Variants in DTX1 observed in about 807,000 individuals in gnomAD.
DTX1 encodes E3 ubiquitin-protein ligase DTX1.
DTX1 carries 26 observed loss-of-function variants against 57.8 expected under a neutral mutation model. That is an observed-to-expected ratio of 0.45 (90% confidence interval 0.33 to 0.62). DTX1 has a LOEUF of 0.62. Among genes scored for constraint, DTX1 ranks in the 20% least tolerant of loss-of-function variants. DTX1 has a pLI of 0.02. For synonymous variants in DTX1, 398 were observed against 394.1 expected, an observed-to-expected ratio of 1.01 and a Z score of -0.12; for missense variants, 704 against 895.3, an observed-to-expected ratio of 0.79 and a Z score of 2.73.
At chr12:113,061,602 T>A (rs1566012670) in intron 2 of DTX1, among the ~76,000 whole-genome samples, 2 of 152,220 alleles carry the variant, frequency 1.3e-5, no homozygotes, top group Admixed American at 6.5e-5. Flanking sequence ...AGAATCTGGC[T>A]GATTTTATCC....
intron 8 of DTX1, 27 bp downstream of exon 8, chr12:113,095,230 C>T: frequency 1.2e-6 from 2 of 1,604,698 alleles, no homozygotes; most frequent in Non-Finnish European, 1.7e-6. Flanking sequence ...CCTCTCTGGC[C>T]CCCAGCCCCC....
At chr12:113,071,420 A>AT (rs2044737257) in intron 2 of DTX1, among the ~76,000 whole-genome samples, 1 of 152,230 alleles carries the variant, frequency 6.6e-6, no homozygotes, top group Non-Finnish European at 1.5e-5. Context: ...AGAGACACAA[A>AT]AACAGGCCGA....
At chr12:113,094,346 G>C (rs1950270009) in intron 6 of DTX1, among the ~76,000 whole-genome samples, 1 of 152,112 alleles carries the variant, frequency 6.6e-6, no homozygotes, top group African/African-American at 2.4e-5. Context: ...TTTTGCTTTT[G>C]ATAGTTAAGC....
intron 3 of DTX1, among the ~76,000 whole-genome samples, chr12:113,079,710 G>GTC (rs2044802468): frequency 6.7e-6 from 1 of 150,108 alleles, no homozygotes; most frequent in Admixed American, 6.6e-5. Context: ...GTGTGTGTGT[G>GTC]TGTGTGTGTG....
chr12:113,093,215 C>T lies in DTX1; in HGVS notation c.995C>T (p.Ala332Val), dbSNP rs1190443352. 6.3e-7 allele frequency: 1 copy of T among 1,594,548 alleles called. No homozygotes were observed. Among genetic ancestry groups the T allele is most frequent in the East Asian group, 2.3e-5 (1 of 43,782 alleles). Residue 332 changes from alanine to valine, a missense_variant, in exon 4 of 10, where the codon GCC (alanine) becomes GTC (valine). Transcript: ENST00000548759. This position sits in a 1 kb window ranked among gnomAD's most constrained non-coding sequence, Gnocchi z 4.2. ...AATGGTACTGGGCCGGTCCATCCGG[C>T]CCTGGCAGGTGAGGTCTGGCCCAGG... ...NLNGTGPVHP[A>V]LAGMTGILLC...
intron 3 of DTX1, among the ~76,000 whole-genome samples, chr12:113,087,370 C>T (rs1447055124): frequency 6.6e-6 from 1 of 152,110 alleles, no homozygotes; most frequent in Non-Finnish European, 1.5e-5. Context: ...GTGAGGACCC[C>T]AGACAGCAGC....
Position 113,094,000 on chromosome 12 carries a change from C to T in DTX1, c.1166-38C>T. On this transcript the variant is annotated intron_variant, in intron 5 of 9. Coordinates refer to ENST00000548759, the MANE Select transcript of DTX1 (RefSeq NM_004416.3). The surrounding 1 kb of genome is among the most constrained non-coding windows in gnomAD (Gnocchi z 4.2). ...TGAGCCAAGCCTTCGGGGACAGACT[C>T]TGGGTACCCTCAAACCCACCCCGCT... is the stretch of plus-strand genomic sequence containing the variant. 2 of 1,561,752 alleles carry T rather than the reference C, an allele frequency of 1.3e-6. No individual in the cohort carries two copies. The highest frequency in any genetic ancestry group is 1.7e-6 in the Non-Finnish European group (2 of 1,151,658).
chr12:113,096,386 G>T (rs1316266983), intron 9 of DTX1, among the ~76,000 whole-genome samples: 4 of 142,884 alleles, frequency 2.8e-5, no homozygotes, highest in African/African-American at 8.0e-5. Context: ...GCTGCAGTGA[G>T]CTCTGGTTGC....
intron 2 of DTX1, among the ~76,000 whole-genome samples, chr12:113,067,572 T>C (rs1327339271): frequency 1.3e-5 from 2 of 152,214 alleles, no homozygotes; most frequent in East Asian, 3.8e-4. Flanking sequence ...TGTCTTGCTC[T>C]CCAGTGCCTG....
rs918647596 is a variant in DTX1 at position 113,066,859 on chromosome 12, G to A, written c.259+8408G>A. On this transcript the variant is annotated intron_variant, in intron 2 of 9. Transcript: ENST00000548759. ...GCGCCAAGGAAGTCCCAGCATATAG[G>A]ACTGTCCCCTACCTTGGAGCCCAGG... 5.9e-5 allele frequency among the ~76,000 whole-genome samples: 9 copies of A among 152,194 alleles called. 1 individual carries two copies. The highest frequency in any genetic ancestry group is 2.2e-4 in the African/African-American group (9 of 41,526).
At chr12:113,062,031 A>G (rs2044667850) in intron 2 of DTX1, among the ~76,000 whole-genome samples, 1 of 125,474 alleles carries the variant, frequency 8.0e-6, no homozygotes, top group South Asian at 2.3e-4. Context: ...ATTATATTTC[A>G]TACACACACA....
rs2044778812 is a variant in DTX1 at position 113,077,279 on chromosome 12, C to T, written c.260-145C>T. 2 of 904,982 alleles carry T rather than the reference C, an allele frequency of 2.2e-6. No homozygotes were observed. Among genetic ancestry groups the T allele is most frequent in the African/African-American group, 3.4e-5 (2 of 59,262 alleles). 56.1% of individuals were successfully genotyped at this position (904,982 alleles called of 1,614,324 possible). A position where few individuals can be genotyped will look rare whatever the true frequency, so the allele number is the denominator to read the frequency against. The stretch of plus-strand genomic sequence containing the variant: ...CCTTCCTCTCCGTGCATGTGTTGAC[C>T]CTCTCCCCAAGTCTGGGTGGACCCC... On this transcript the variant is annotated intron_variant, in intron 2 of 9. Coordinates refer to ENST00000548759, the MANE Select transcript of DTX1 (RefSeq NM_004416.3). This position sits in a 1 kb window ranked among gnomAD's most constrained non-coding sequence, Gnocchi z 7.8.
At chr12:113,074,691 C>T (rs2044758214) in intron 2 of DTX1, among the ~76,000 whole-genome samples, 1 of 152,158 alleles carries the variant, frequency 6.6e-6, no homozygotes, top group Admixed American at 6.5e-5. Flanking sequence ...ATTACAGAGG[C>T]CAGTCATGAG....
At chr12:113,087,147 C>T (rs565910048) in intron 3 of DTX1, among the ~76,000 whole-genome samples, 12 of 152,088 alleles carry the variant, frequency 7.9e-5, no homozygotes, top group Non-Finnish European at 1.0e-4. Context: ...CCCGCAGCCC[C>T]CATACCTCTA....
chr12:113,081,980 A>G (rs1358465914), intron 3 of DTX1, among the ~76,000 whole-genome samples: 1 of 151,948 alleles, frequency 6.6e-6, no homozygotes, highest in Non-Finnish European at 1.5e-5. Context: ...CTTGAGCTCT[A>G]GAGGGCTGTA....
chr12:113,083,676 C>A (rs1207056845), intron 3 of DTX1, among the ~76,000 whole-genome samples: 2 of 152,230 alleles, frequency 1.3e-5, no homozygotes, highest in Admixed American at 6.5e-5. Context: ...TTGCACCAAA[C>A]AATATCTCTG....
intron 3 of DTX1, 141 bp downstream of exon 3, chr12:113,078,246 T>A: frequency 6.8e-6 from 5 of 737,952 alleles, no homozygotes; most frequent in Non-Finnish European, 8.8e-6. Context: ...GCACTAAATG[T>A]TCATTTTGTG....
chr12:113,073,479 G>C (rs1161267690), intron 2 of DTX1, among the ~76,000 whole-genome samples: 1 of 152,210 alleles, frequency 6.6e-6, no homozygotes, highest in African/African-American at 2.4e-5. Flanking sequence ...GCTGGAACAT[G>C]GTAGGTGCCC....
At chr12:113,064,199 G>A in intron 2 of DTX1, among the ~76,000 whole-genome samples, 1 of 152,196 alleles carries the variant, frequency 6.6e-6, no homozygotes, top group Middle Eastern at 3.2e-3. Flanking sequence ...TGGGCCTGAT[G>A]CCAGGGGCAA....
Sources: allele counts gnomAD v4.1 joint callset (sites outside exome capture counted in the v4.1 genomes callset), GRCh38; gene constraint gnomAD v4.1.1; non-coding constraint Gnocchi (gnomAD v3.1); transcripts MANE v1.5; gene names NCBI Gene and HGNC (gene_info 2026-07-23, HGNC 2026-07-21).